Variants in RIMBP2 observed in about 807,000 individuals in gnomAD.
The protein encoded by RIMBP2 is RIMS binding protein 2, also known as RIMS-binding protein 2.
In RIMBP2, 48 loss-of-function variants were observed where a neutral mutation model predicts 118.6. The ratio of observed to expected loss-of-function variants is 0.40; its 90% confidence interval spans 0.32 to 0.51. RIMBP2 has a LOEUF of 0.51. RIMBP2 is among the 20% of genes least tolerant of loss of function. RIMBP2 has a pLI of 0.41. For missense variants in RIMBP2, 1,551 were observed against 1,768.3 expected (o/e 0.88, Z 2.20); for synonymous variants, 762 against 742.9 (o/e 1.03, Z -0.42).
At chr12:130,640,605 C>T (rs555678645) in intron 1 of RIMBP2, among the ~76,000 whole-genome samples, 167 of 152,294 alleles carry the variant, frequency 1.1e-3, no homozygotes, top group Non-Finnish European at 1.6e-3. Flanking sequence ...TCGAAAGAGC[C>T]CGTGAGGTAG....
At chr12:130,708,211 A>C (rs906507242) in intron 1 of RIMBP2, among the ~76,000 whole-genome samples, 1 of 152,166 alleles carries the variant, frequency 6.6e-6, no homozygotes, top group African/African-American at 2.4e-5. Context: ...GCAGATTCGC[A>C]GTTGCCAGGG....
At chr12:130,526,434 T>A (rs2052795779) in intron 2 of RIMBP2, among the ~76,000 whole-genome samples, 1 of 152,208 alleles carries the variant, frequency 6.6e-6, no homozygotes, top group African/African-American at 2.4e-5. Context: ...TTGAAAGAGA[T>A]CAGTGGTAGG....
intron 2 of RIMBP2, among the ~76,000 whole-genome samples, chr12:130,577,653 G>A (rs189047886): frequency 3.3e-5 from 5 of 152,280 alleles, no homozygotes; most frequent in African/African-American, 1.2e-4. Flanking sequence ...AATTCAAGAT[G>A]AGATTTAGGC....
chr12:130,628,613 C>G (rs1482487186), intron 1 of RIMBP2, among the ~76,000 whole-genome samples, 157 bp from the exon 2 acceptor site: 1 of 152,212 alleles, frequency 6.6e-6, no homozygotes, highest in East Asian at 1.9e-4. Context: ...GAGTGAGGGA[C>G]AGATTTGAAA....
chr12:130,547,235 T>C (rs771821375), intron 2 of RIMBP2, among the ~76,000 whole-genome samples: 1 of 152,190 alleles, frequency 6.6e-6, no homozygotes, highest in Non-Finnish European at 1.5e-5. Context: ...AAAAAATCTT[T>C]AAGTGTGCAT....
chr12:130,439,764 TGTGTGTGTATGTGG>T (rs2077933334), intron 11 of RIMBP2, among the ~76,000 whole-genome samples: 1 of 144,508 alleles, frequency 6.9e-6, no homozygotes, highest in Non-Finnish European at 1.5e-5. Flanking sequence ...GGTGTCTGTG[TGTGTGTGTATGTGG>T]GTATGTGTAT....
chr12:130,661,268 C>T (rs1209462383), intron 1 of RIMBP2, among the ~76,000 whole-genome samples: 1 of 152,124 alleles, frequency 6.6e-6, no homozygotes, highest in Non-Finnish European at 1.5e-5. Flanking sequence ...GTCATGTGAC[C>T]ACACCTTAGC....
At chr12:130,414,681 A>T (rs1236662843) in intron 17 of RIMBP2, 1 of 172,998 alleles carries the variant, frequency 5.8e-6, no homozygotes, top group African/African-American at 2.4e-5. Context: ...AGCACAGCCC[A>T]CGTTTAAAAT....
At chr12:130,522,735 C>T (rs1447722770) in intron 2 of RIMBP2, among the ~76,000 whole-genome samples, 2 of 152,104 alleles carry the variant, frequency 1.3e-5, no homozygotes, top group African/African-American at 2.4e-5. Flanking sequence ...TGGGTTTCCA[C>T]GGAGGATGGC....
intron 2 of RIMBP2, among the ~76,000 whole-genome samples, chr12:130,575,879 G>A (rs2058050503): frequency 6.6e-6 from 1 of 152,202 alleles, no homozygotes. Flanking sequence ...TACACTGTGG[G>A]AATGGGCAAA....
At chr12:130,484,474 TTCCTCCTGAGCA>T (rs1380600195) in intron 4 of RIMBP2, among the ~76,000 whole-genome samples, 1 of 152,184 alleles carries the variant, frequency 6.6e-6, no homozygotes, top group African/African-American at 2.4e-5. Context: ...CTGCCTTATT[TTCCTCCTGAGCA>T]TCCTCATCCC....
chr12:130,571,416 A>ATTTT (rs1555294909), intron 2 of RIMBP2, among the ~76,000 whole-genome samples: 1 of 104,298 alleles, frequency 9.6e-6, no homozygotes, highest in African/African-American at 3.2e-5. Flanking sequence ...CCATAGTAAC[A>ATTTT]TTTTTTTTTT....
intron 6 of RIMBP2, among the ~76,000 whole-genome samples, chr12:130,458,028 C>A (rs930798674): frequency 2.6e-5 from 4 of 151,924 alleles, no homozygotes; most frequent in African/African-American, 9.7e-5. Flanking sequence ...TTTCCTGCTG[C>A]GTCCCGGACC....
At chr12:130,505,136 C>G (rs1392768055) in intron 4 of RIMBP2, among the ~76,000 whole-genome samples, 1 of 152,174 alleles carries the variant, frequency 6.6e-6, no homozygotes, top group East Asian at 1.9e-4. Flanking sequence ...GTGGTAGCAC[C>G]TCCTCTCTTG....
chr12:130,490,644 AG>A (rs999834457), intron 4 of RIMBP2, among the ~76,000 whole-genome samples: 1 of 152,186 alleles, frequency 6.6e-6, no homozygotes, highest in Non-Finnish European at 1.5e-5. Flanking sequence ...TTTCTCTCCA[AG>A]GGCCAGGAAA....
intron 1 of RIMBP2, among the ~76,000 whole-genome samples, chr12:130,655,196 G>A (rs146975245): frequency 3.4e-4 from 52 of 152,308 alleles, no homozygotes; most frequent in African/African-American, 1.1e-3. Flanking sequence ...TGCCCTAGGC[G>A]GGGCAGCAAA....
At chr12:130,441,017 A>G (rs1262319705) in intron 11 of RIMBP2, among the ~76,000 whole-genome samples, 1 of 152,188 alleles carries the variant, frequency 6.6e-6, no homozygotes, top group African/African-American at 2.4e-5. Flanking sequence ...GGGGCACATC[A>G]CACTCCCTGT....
At chr12:130,479,096 G>C in intron 4 of RIMBP2, 80 bp from the exon 5 acceptor site, 1 of 1,177,836 alleles carries the variant, frequency 8.5e-7, no homozygotes, top group Non-Finnish European at 1.2e-6. Flanking sequence ...CACCAAGCTG[G>C]CTCTGACTCA....
At chr12:130,403,812 T>C (rs928588859) in intron 21 of RIMBP2, among the ~76,000 whole-genome samples, 1 of 152,212 alleles carries the variant, frequency 6.6e-6, no homozygotes, top group African/African-American at 2.4e-5. Flanking sequence ...AATAAAATAT[T>C]AGCAAATCAA....
Sources: gnomAD v4.1 joint callset for allele counts (sites outside exome capture counted in the v4.1 genomes callset) on GRCh38, gnomAD v4.1.1 for gene constraint, MANE v1.5 for transcripts, NCBI Gene and HGNC (gene_info 2026-07-23, HGNC 2026-07-21) for gene names.